The following KCNN2 variants were observed in gnomAD, a reference collection of about 807,000 sequenced individuals.
KCNN2 encodes the protein potassium calcium-activated channel subfamily N member 2.
KCNN2 carries 24 observed loss-of-function variants against 55.5 expected under a neutral mutation model. That is an observed-to-expected ratio of 0.43 (90% CI 0.31 to 0.61). KCNN2 has a LOEUF of 0.61. Ranked by LOEUF, KCNN2 falls within the 20% of genes least tolerant of loss-of-function variation. The pLI is 0.08. For synonymous variants in KCNN2, 431 were observed against 336.1 expected (o/e 1.28, Z -3.09); for missense variants, 754 against 853.6 (o/e 0.88, Z 1.45).
chr5:114,064,743 C>A (rs1750408759), intron 1 of KCNN2, among the ~76,000 whole-genome samples: 1 of 152,164 alleles, frequency 6.6e-6, no homozygotes, highest in Non-Finnish European at 1.5e-5. Context: ...TTGAAAGTTC[C>A]TGTAAAAACA....
chr5:114,495,084 A>T (rs1580937365), intron 7 of KCNN2, among the ~76,000 whole-genome samples: 1 of 152,132 alleles, frequency 6.6e-6, no homozygotes, highest in East Asian at 1.9e-4. Context: ...TACTCAGGAA[A>T]TATACCTAGA....
At chr5:114,128,026 A>G (rs1751974176) in intron 1 of KCNN2, among the ~76,000 whole-genome samples, 1 of 152,150 alleles carries the variant, frequency 6.6e-6, no homozygotes. Flanking sequence ...AATCTCTAGG[A>G]AGTTCCAAAC....
intron 2 of KCNN2, among the ~76,000 whole-genome samples, chr5:114,312,418 CACACACACACACACACATATATATAT>C (rs1442109587): frequency 5.6e-4 from 40 of 70,926 alleles, no homozygotes; most frequent in African/African-American, 1.0e-3. Context: ...CACACACACA[CACACACACACACACACATATATATAT>C]ATATATATAT....
chr5:114,284,529 T>C (rs1280002157), intron 2 of KCNN2, among the ~76,000 whole-genome samples: 2 of 152,156 alleles, frequency 1.3e-5, no homozygotes, highest in Non-Finnish European at 2.9e-5. Context: ...TTTTCTTTTT[T>C]TGTTTTTGAG....
At chr5:114,252,771 G>A (rs1754894918) in intron 2 of KCNN2, among the ~76,000 whole-genome samples, 1 of 65,034 alleles carries the variant, frequency 1.5e-5, no homozygotes, top group Non-Finnish European at 3.1e-5. Context: ...ACTCTGTGTA[G>A]CATGTGTGTG....
At chr5:114,225,054 A>G (rs1487490659) in intron 2 of KCNN2, among the ~76,000 whole-genome samples, 1 of 152,226 alleles carries the variant, frequency 6.6e-6, no homozygotes, top group Non-Finnish European at 1.5e-5. Flanking sequence ...AAATTCAACA[A>G]ATAGAAGACT....
At chr5:114,145,406 T>C (rs909663785) in intron 1 of KCNN2, among the ~76,000 whole-genome samples, 2 of 152,198 alleles carry the variant, frequency 1.3e-5, no homozygotes, top group African/African-American at 4.8e-5. Flanking sequence ...AAGGCTTATA[T>C]TGGGATGTGT....
intron 1 of KCNN2, among the ~76,000 whole-genome samples, chr5:114,202,201 G>A (rs1753686405): frequency 2.6e-5 from 4 of 152,072 alleles, no homozygotes; most frequent in Non-Finnish European, 4.4e-5. Flanking sequence ...GTGGGATTCT[G>A]TGTGGGTTCC....
chr5:114,145,567 G>A (rs1169516875), intron 1 of KCNN2, among the ~76,000 whole-genome samples: 1 of 152,094 alleles, frequency 6.6e-6, no homozygotes, highest in Non-Finnish European at 1.5e-5. Flanking sequence ...TCCATTAGTG[G>A]GTCCCAGGAA....
intron 4 of KCNN2, among the ~76,000 whole-genome samples, chr5:114,466,365 C>T (rs926948707): frequency 6.6e-6 from 1 of 152,046 alleles, no homozygotes; most frequent in African/African-American, 2.4e-5. Flanking sequence ...GGTTAGATCA[C>T]AGTGTCTATC....
chr5:114,117,494 C>T (rs1044454471), intron 1 of KCNN2, among the ~76,000 whole-genome samples: 11 of 152,156 alleles, frequency 7.2e-5, no homozygotes, highest in Admixed American at 5.2e-4. Flanking sequence ...TCTTCAGCAA[C>T]GGCAAAATGT....
intron 3 of KCNN2, among the ~76,000 whole-genome samples, chr5:114,432,987 G>T (rs1250072662): frequency 1.3e-5 from 2 of 152,150 alleles, no homozygotes; most frequent in African/African-American, 4.8e-5. Context: ...CTCCTGTGCG[G>T]CCGGAGCCTC....
rs185444738 is a variant in KCNN2 at position 114,352,852 on chromosome 5, G to T, written c.-184-8093G>T. On this transcript the variant is annotated intron_variant, in intron 2 of 10. Transcript: ENST00000512097. Reference sequence around the variant, plus strand: ...TGTTCCTTGTGCACGTGAGAAAAATGTGTGTTCTGCTGTTGCTGAGGAGAA... The same window carrying T: ...TGTTCCTTGTGCACGTGAGAAAAATTTGTGTTCTGCTGTTGCTGAGGAGAA... 2.6e-5 allele frequency among the ~76,000 whole-genome samples: 4 copies of T among 151,998 alleles called. No homozygotes were observed. In the East Asian group the frequency reaches 7.7e-4, roughly 29 times the overall value.
intron 1 of KCNN2, among the ~76,000 whole-genome samples, chr5:114,141,171 T>G (rs553798806): frequency 6.6e-6 from 1 of 152,258 alleles, no homozygotes; most frequent in South Asian, 2.1e-4. Context: ...AGGGTACATG[T>G]GCACAATGTG....
chr5:114,335,842 A>G (rs1178279414), intron 2 of KCNN2, among the ~76,000 whole-genome samples: 1 of 152,198 alleles, frequency 6.6e-6, no homozygotes, highest in African/African-American at 2.4e-5. Flanking sequence ...AGCAAGAATG[A>G]AAAGAGCTTC....
intron 1 of KCNN2, among the ~76,000 whole-genome samples, chr5:114,141,918 A>C (rs1237220669): frequency 6.6e-6 from 1 of 152,190 alleles, no homozygotes; most frequent in Admixed American, 6.5e-5. Context: ...TGTTGGCTGC[A>C]TAGATGTCTT....
intron 1 of KCNN2, among the ~76,000 whole-genome samples, chr5:114,066,649 G>A (rs56834529): frequency 0.01 from 1,573 of 152,134 alleles, 41 homozygotes; most frequent in African/African-American, 0.036. Context: ...GCGTGATCTC[G>A]GCTCACTGCA....
chr5:114,154,132 G>T (rs149854899), intron 1 of KCNN2, among the ~76,000 whole-genome samples: 1 of 152,252 alleles, frequency 6.6e-6, no homozygotes, highest in African/African-American at 2.4e-5. Flanking sequence ...GTCTGAGGGT[G>T]CCACCTGTTT....
At chr5:114,455,448 C>T (rs1010072072) in intron 3 of KCNN2, among the ~76,000 whole-genome samples, 3 of 152,180 alleles carry the variant, frequency 2.0e-5, no homozygotes, top group African/African-American at 7.2e-5. Flanking sequence ...CACCAACTAG[C>T]TGTTCCCCCA....
Sources: allele counts gnomAD v4.1 joint callset (sites outside exome capture counted in the v4.1 genomes callset), GRCh38; gene constraint gnomAD v4.1.1; transcripts MANE v1.5; gene names NCBI Gene and HGNC (gene_info 2026-07-23, HGNC 2026-07-21).